Variants in ASIC2 observed in about 807,000 individuals in gnomAD.
ASIC2 encodes the protein acid-sensing ion channel 2.
A neutral mutation model predicts 57.3 loss-of-function variants in ASIC2; 25 were observed. The ratio of observed to expected loss-of-function variants is 0.44; its 90% CI spans 0.32 to 0.61. The LOEUF is 0.61. Ranked by LOEUF, ASIC2 falls within the 20% of genes least tolerant of loss-of-function variation. The probability of loss-of-function intolerance (pLI) is 0.06; values close to 1 mark genes in which losing one functional copy is unlikely to be tolerated. For synonymous variants in ASIC2, 319 were observed against 307.5 expected, an observed-to-expected ratio of 1.04 and a Z score of -0.39; for missense variants, 641 against 738.1, an observed-to-expected ratio of 0.87 and a Z score of 1.52.
rs2141915312 is a variant in ASIC2, at chr17:33,464,939, A to G, written c.556-352872T>C. ...ACTTTTTTTTCTGCTTAGGAAGAAC[A>G]TTTTCCCTTTAAATGTTTTGTTTGC... On this transcript the variant is annotated intron_variant, in intron 1 of 9. Coordinates refer to the ASIC2 transcript ENST00000359872. Among the ~76,000 whole-genome samples the G allele has an allele frequency of 2.0e-5, 3 of 152,156 alleles. No homozygotes were observed. The South Asian group carries it at 6.2e-4, about 32-fold the overall frequency.
intron 1 of ASIC2, among the ~76,000 whole-genome samples, chr17:33,863,297 C>T (rs1031424242): frequency 1.3e-5 from 2 of 152,222 alleles, no homozygotes; most frequent in Admixed American, 6.5e-5. Flanking sequence ...GTAGCTCAGC[C>T]GCAGTTCACA....
chr17:33,372,296 T>C (rs1909100080), intron 1 of ASIC2, among the ~76,000 whole-genome samples: 1 of 152,026 alleles, frequency 6.6e-6, no homozygotes, highest in African/African-American at 2.4e-5. Flanking sequence ...GTGGGGCTTC[T>C]GGCTCTGCTG....
At chr17:33,673,871 C>T (rs1907720463) in intron 1 of ASIC2, among the ~76,000 whole-genome samples, 1 of 151,212 alleles carries the variant, frequency 6.6e-6, no homozygotes, top group South Asian at 2.1e-4. Context: ...TTCTGTAGGT[C>T]TGAGCTAAGG....
chr17:33,146,303 C>T (rs979974540), intron 1 of ASIC2, among the ~76,000 whole-genome samples: 3 of 152,210 alleles, frequency 2.0e-5, no homozygotes, highest in Non-Finnish European at 4.4e-5. Context: ...AGCATCTTCT[C>T]TCATTCAGTC....
At chr17:33,736,005 G>A (rs1169318927) in intron 1 of ASIC2, among the ~76,000 whole-genome samples, 1 of 152,070 alleles carries the variant, frequency 6.6e-6, no homozygotes, top group South Asian at 2.1e-4. Flanking sequence ...CCTGGTCTCT[G>A]CTTGTTCAGT....
At chr17:33,630,366 C>T (rs1257291447) in intron 1 of ASIC2, among the ~76,000 whole-genome samples, 3 of 152,120 alleles carry the variant, frequency 2.0e-5, no homozygotes, top group Non-Finnish European at 2.9e-5. Flanking sequence ...GTGCAGTGAC[C>T]ACCTACTCAG....
At chr17:33,023,764 A>AACCAAATG in intron 6 of ASIC2, 97 bp downstream of exon 6, 1 of 1,523,526 alleles carries the variant, frequency 6.6e-7, no homozygotes, top group Non-Finnish European at 9.0e-7. Context: ...TGCTAACTTG[A>AACCAAATG]ACCAAATGCT....
chr17:33,347,659 CAG>C (rs903490973), intron 1 of ASIC2, among the ~76,000 whole-genome samples: 1 of 152,100 alleles, frequency 6.6e-6, no homozygotes, highest in Non-Finnish European at 1.5e-5. Context: ...ATTGCTGAAA[CAG>C]AAACATCGAA....
chr17:33,910,729 C>A (rs897743659), intron 1 of ASIC2, among the ~76,000 whole-genome samples: 11 of 152,178 alleles, frequency 7.2e-5, no homozygotes, highest in African/African-American at 2.7e-4. Context: ...GACCACCTAT[C>A]ATGGACTGCC....
At chr17:33,303,722 C>T (rs1045988360) in intron 1 of ASIC2, among the ~76,000 whole-genome samples, 8 of 151,996 alleles carry the variant, frequency 5.3e-5, no homozygotes, top group African/African-American at 1.9e-4. Context: ...CCCTTCCTTT[C>T]TTCCTTCTTT....
chr17:33,892,638 C>G (rs1264752040), intron 1 of ASIC2, among the ~76,000 whole-genome samples: 1 of 152,226 alleles, frequency 6.6e-6, no homozygotes, highest in East Asian at 1.9e-4. Context: ...ACTGTAGGCA[C>G]ATGGGGCATC....
intron 3 of ASIC2, among the ~76,000 whole-genome samples, chr17:33,069,899 AT>A (rs1226252117): frequency 6.6e-6 from 1 of 151,946 alleles, no homozygotes; most frequent in Admixed American, 6.6e-5. Flanking sequence ...TACTAGTCCC[AT>A]TTTTTTCTCT....
intron 1 of ASIC2, among the ~76,000 whole-genome samples, chr17:33,427,277 T>A (rs1911251276): frequency 6.6e-6 from 1 of 152,190 alleles, no homozygotes; most frequent in Admixed American, 6.5e-5. Flanking sequence ...TCAAAAATAC[T>A]TGAGCCTCTG....
intron 1 of ASIC2, among the ~76,000 whole-genome samples, chr17:33,268,025 A>T (rs1414124938): frequency 6.6e-6 from 1 of 152,132 alleles, no homozygotes; most frequent in African/African-American, 2.4e-5. Context: ...GGGACATGTG[A>T]CCCAAGATAT....
At chr17:33,069,026 T>C (rs1018531973) in intron 3 of ASIC2, among the ~76,000 whole-genome samples, 2 of 152,256 alleles carry the variant, frequency 1.3e-5, no homozygotes, top group African/African-American at 2.4e-5. Flanking sequence ...TAAATTTTTA[T>C]ATGATAGGTT....
intron 1 of ASIC2, among the ~76,000 whole-genome samples, chr17:33,311,841 G>A (rs771495129): frequency 6.6e-6 from 1 of 152,002 alleles, no homozygotes; most frequent in Admixed American, 6.6e-5. Context: ...CCCTGGTTTC[G>A]ACTCTCATCT....
chr17:33,485,445 C>T (rs952531401), intron 1 of ASIC2, among the ~76,000 whole-genome samples: 40 of 152,244 alleles, frequency 2.6e-4, no homozygotes, highest in African/African-American at 8.9e-4. Context: ...TGTCTTGTAA[C>T]TTACTTTTTA....
At chr17:33,399,322 TA>T (rs1284024804) in intron 1 of ASIC2, among the ~76,000 whole-genome samples, 3 of 152,152 alleles carry the variant, frequency 2.0e-5, no homozygotes, top group Non-Finnish European at 2.9e-5. Flanking sequence ...GCTTAGCCCT[TA>T]AGAAATCAAC....
At chr17:33,199,504 T>C (rs1316735927) in intron 1 of ASIC2, among the ~76,000 whole-genome samples, 1 of 152,214 alleles carries the variant, frequency 6.6e-6, no homozygotes, top group East Asian at 1.9e-4. Context: ...TCTTAGCTTT[T>C]ACTGGCTCCT....
Sources: allele counts gnomAD v4.1 joint callset (sites outside exome capture counted in the v4.1 genomes callset), GRCh38; gene constraint gnomAD v4.1.1; transcripts MANE v1.5; gene names NCBI Gene and HGNC (gene_info 2026-07-23, HGNC 2026-07-21).